WDFY3: variants seen among roughly 807,000 people sequenced by gnomAD.
WDFY3 encodes WD repeat and FYVE domain-containing protein 3.
Under a neutral mutation model 409.6 loss-of-function variants are expected in WDFY3, and 66 were observed. The observed-to-expected ratio is 0.16, with a 90% CI of 0.13 to 0.20. WDFY3 has a LOEUF of 0.20. WDFY3 is among the 10% of genes least tolerant of loss of function. The probability of loss-of-function intolerance (pLI) is 1.00; values close to 1 mark genes in which losing one functional copy is unlikely to be tolerated. For missense variants in WDFY3, 3,031 were observed against 4,298.1 expected (o/e 0.71, Z 8.24); for synonymous variants, 1,521 against 1,537.1 (o/e 0.99, Z 0.25).
rs183519573 is a variant in WDFY3 at position 84,740,688 on chromosome 4, T to C, written c.6235-272A>G. Among the ~76,000 whole-genome samples, 19 of 152,250 alleles carry C rather than the reference T, an allele frequency of 1.2e-4. No individual in the cohort carries two copies. In the East Asian group the frequency reaches 3.3e-3, roughly 26 times the overall value. On this transcript the variant is annotated intron_variant, in intron 38 of 67. Coordinates refer to ENST00000295888, the MANE Select transcript of WDFY3 (RefSeq NM_014991.6). ...AACGATGCTGTGGGGCAGAGCAGTC[T>C]CCCTGAGAACACGAGGATGTGACAG...
In WDFY3 at chr4:84,826,927, A is replaced by G. The variant is rs1285371916; in HGVS notation, c.1011T>C (p.Asn337=). The change falls in exon 10 of 68, where the codon AAT becomes AAC. Residue 337 remains asparagine, a synonymous_variant. Transcript: ENST00000295888. The part of the protein sequence containing the change: ...ESKDALKDLV[N]LITSLTTYGV... ...CATATGTTGTTAGGGAAGTTATCAG[A>G]TTAACCAGATCTTTCAAGGCATCTT... The G allele has an allele frequency of 1.2e-6, 2 of 1,610,368 alleles. No individual in the cohort carries two copies. Among genetic ancestry groups the G allele is most frequent in the Admixed American group, 1.7e-5 (1 of 58,824 alleles).
At chr4:84,790,666 G>A (rs1320689296) in intron 21 of WDFY3, among the ~76,000 whole-genome samples, 1 of 152,106 alleles carries the variant, frequency 6.6e-6, no homozygotes, top group African/African-American at 2.4e-5. Flanking sequence ...AGAGTGAAAA[G>A]GGAATCTATG....
At chr4:84,778,173 C>T (rs868128026) in intron 27 of WDFY3, among the ~76,000 whole-genome samples, 1 of 152,072 alleles carries the variant, frequency 6.6e-6, no homozygotes. Flanking sequence ...AATTAGAGGT[C>T]TAGGTCCTAT....
intron 3 of WDFY3, among the ~76,000 whole-genome samples, chr4:84,881,262 T>C (rs997306288): frequency 1.1e-4 from 17 of 152,174 alleles, no homozygotes; most frequent in African/African-American, 3.6e-4. Context: ...TGAGACTCAT[T>C]TGTGGTTATT....
chr4:84,959,720 T>G (rs1774683802), intron 1 of WDFY3, among the ~76,000 whole-genome samples: 1 of 152,186 alleles, frequency 6.6e-6, no homozygotes, highest in Non-Finnish European at 1.5e-5. Context: ...GACATGCCTG[T>G]GTAAATATCT....
At chr4:84,915,778 C>A (rs1768398633) in intron 2 of WDFY3, among the ~76,000 whole-genome samples, 1 of 152,118 alleles carries the variant, frequency 6.6e-6, no homozygotes, top group South Asian at 2.1e-4. Flanking sequence ...GTAGTAGAAG[C>A]TTTAAGTGTA....
chr4:84,683,076 T>C (rs1407593322), intron 63 of WDFY3: 1 of 152,734 alleles, frequency 6.5e-6, no homozygotes, highest in East Asian at 1.9e-4. Flanking sequence ...ACACATTATA[T>C]ATCTCCAAGA....
intron 30 of WDFY3, among the ~76,000 whole-genome samples, chr4:84,772,037 T>C (rs1182270024): frequency 6.6e-6 from 1 of 152,144 alleles, no homozygotes; most frequent in African/African-American, 2.4e-5. Flanking sequence ...GAGAACCCCT[T>C]TGGGAGGAAG....
chr4:84,888,517 A>G (rs963648627), intron 3 of WDFY3, among the ~76,000 whole-genome samples: 1 of 152,358 alleles, frequency 6.6e-6, no homozygotes, highest in Non-Finnish European at 1.5e-5. Context: ...ATAAAATAAT[A>G]TACTTTCATA....
rs150146987 is a variant in WDFY3 at position 84,893,914 on chromosome 4, A to G, written c.-32+2997T>C. Among the ~76,000 whole-genome samples, 781 of 152,116 alleles carry G rather than the reference A, an allele frequency of 5.1e-3. 6 individuals are homozygous for G. Among genetic ancestry groups the G allele is most frequent in the African/African-American group, 0.018 (735 of 41,512 alleles). The stretch of plus-strand genomic sequence containing the variant: ...CTGAGGCAGAGAATTTCTTGAACCC[A>G]GGAGGCAGAGGTTGCAATGAGCCGA... On this transcript the variant is annotated intron_variant, in intron 3 of 67. Transcript: ENST00000295888.
chr4:84,840,882 CA>C (rs1757250559), intron 6 of WDFY3, among the ~76,000 whole-genome samples: 1 of 151,814 alleles, frequency 6.6e-6, no homozygotes, highest in Non-Finnish European at 1.5e-5. Flanking sequence ...AGCCCAGCCA[CA>C]AATGGTTATG....
At chr4:84,794,814 A>C in intron 20 of WDFY3, 65 bp downstream of exon 20, 1 of 1,519,072 alleles carries the variant, frequency 6.6e-7, no homozygotes, top group Non-Finnish European at 8.8e-7. Context: ...AAAAGCAAAT[A>C]AACTCTAAAT....
intron 3 of WDFY3, among the ~76,000 whole-genome samples, chr4:84,889,510 G>T (rs1395259770): frequency 6.6e-6 from 1 of 152,092 alleles, no homozygotes; most frequent in African/African-American, 2.4e-5. Context: ...AAAAAATTCT[G>T]GTTTGATTCA....
chr4:84,897,618 A>G (rs1219394100), intron 2 of WDFY3, among the ~76,000 whole-genome samples: 1 of 152,090 alleles, frequency 6.6e-6, no homozygotes, highest in Non-Finnish European at 1.5e-5. Context: ...TCCTGACCTC[A>G]GGTGATCTGC....
At chr4:84,957,572 G>C (rs1057015347) in intron 1 of WDFY3, among the ~76,000 whole-genome samples, 1 of 152,158 alleles carries the variant, frequency 6.6e-6, no homozygotes, top group Non-Finnish European at 1.5e-5. Context: ...CCTGCAACAA[G>C]AACTGGGGAA....
chr4:84,710,593 A>G (rs1732717215), intron 51 of WDFY3, among the ~76,000 whole-genome samples: 1 of 152,230 alleles, frequency 6.6e-6, no homozygotes. Flanking sequence ...CCATCAGGCA[A>G]ATTGAATGTA....
chr4:84,915,134 G>C (rs536341703), intron 2 of WDFY3, among the ~76,000 whole-genome samples: 1 of 152,244 alleles, frequency 6.6e-6, no homozygotes, highest in South Asian at 2.1e-4. Context: ...CAAATTCATA[G>C]AGACAGAAAA....
chr4:84,946,813 G>GT (rs1212399516), intron 1 of WDFY3, among the ~76,000 whole-genome samples: 444 of 144,078 alleles, frequency 3.1e-3, no homozygotes, highest in Middle Eastern at 7.1e-3. Context: ...TTCATTTTTT[G>GT]TTTTTTTTTT....
chr4:84,833,249 T>G (rs1255582835), intron 7 of WDFY3, among the ~76,000 whole-genome samples: 2 of 152,204 alleles, frequency 1.3e-5, no homozygotes, highest in Non-Finnish European at 2.9e-5. Context: ...AGTTAACTTT[T>G]CTTCTCTTTG....
Sources: allele counts gnomAD v4.1 joint callset (sites outside exome capture counted in the v4.1 genomes callset), GRCh38; gene constraint gnomAD v4.1.1; transcripts MANE v1.5; gene names NCBI Gene and HGNC (gene_info 2026-07-23, HGNC 2026-07-21).